ENOX1: variants seen among roughly 807,000 people sequenced by gnomAD.
ENOX1 encodes the protein candidate growth-related and time keeping constitutive hydroquinone (NADH) oxidase.
A neutral mutation model predicts 82.5 loss-of-function variants in ENOX1; 42 were observed. That is an observed-to-expected ratio of 0.51 (90% CI 0.40 to 0.66). The LOEUF (loss-of-function observed/expected upper bound fraction) is 0.66. Ranked by LOEUF, ENOX1 falls within the 30% of genes least tolerant of loss-of-function variation. The probability of loss-of-function intolerance (pLI) is 0.00; values close to 1 mark genes in which losing one functional copy is unlikely to be tolerated. For missense variants in ENOX1, 608 were observed against 811.6 expected (o/e 0.75, Z 3.05); for synonymous variants, 271 against 282.2 (o/e 0.96, Z 0.40).
At chr13:43,604,479 G>T (rs555053664) in intron 2 of ENOX1, among the ~76,000 whole-genome samples, 1 of 152,146 alleles carries the variant, frequency 6.6e-6, no homozygotes, top group African/African-American at 2.4e-5. Context: ...GACTTTTATT[G>T]TATTGAGGTA....
chr13:43,706,942 A>G (rs2087335046), intron 1 of ENOX1, among the ~76,000 whole-genome samples: 1 of 152,118 alleles, frequency 6.6e-6, no homozygotes, highest in African/African-American at 2.4e-5. Flanking sequence ...AGAACAGAAG[A>G]AGTAAAACTG....
intron 2 of ENOX1, among the ~76,000 whole-genome samples, chr13:43,557,047 G>C (rs919164694): frequency 6.6e-6 from 1 of 152,254 alleles, no homozygotes; most frequent in African/African-American, 2.4e-5. Context: ...GTGCGAAGCA[G>C]GAGAGAGTTC....
At chr13:43,541,473 C>G (rs1204865070) in intron 2 of ENOX1, among the ~76,000 whole-genome samples, 1 of 152,024 alleles carries the variant, frequency 6.6e-6, no homozygotes. Flanking sequence ...TGTACTCCAG[C>G]CTGGGCAAAA....
chr13:43,433,066 C>T (rs888064602), intron 3 of ENOX1, among the ~76,000 whole-genome samples: 6 of 152,108 alleles, frequency 3.9e-5, no homozygotes, highest in African/African-American at 1.4e-4. Context: ...TTTAGGGTTG[C>T]TATAACAGAA....
intron 9 of ENOX1, among the ~76,000 whole-genome samples, chr13:43,331,576 A>T (rs2048410337): frequency 6.6e-6 from 1 of 152,196 alleles, no homozygotes; most frequent in Non-Finnish European, 1.5e-5. Context: ...GATATGACAC[A>T]AATGAAATAG....
rs1566329692 is a variant in ENOX1 at position 43,247,866 on chromosome 13, TATATA to T, written c.1612-11133_1612-11129del. 3.4e-3 allele frequency among the ~76,000 whole-genome samples: 8 copies of T among 2,342 alleles called. 1 individual carries two copies. Among genetic ancestry groups the T allele is most frequent in the Admixed American group, 6.9e-3 (1 of 144 alleles). The allele number at this position is 2,342 out of a possible 152,430, so 1.5% of individuals were successfully genotyped here. A position where few individuals can be genotyped will look rare whatever the true frequency, so the allele number is the denominator to read the frequency against. On this transcript the variant is annotated intron_variant, in intron 14 of 16. Coordinates refer to ENST00000690772, the MANE Select transcript of ENOX1 (RefSeq NM_001347969.2). ...ATATATATATATATATATATATATA[TATATA>T]TATATATATATATTTTTTTTTTTTT...
intron 1 of ENOX1, among the ~76,000 whole-genome samples, chr13:43,706,694 G>A (rs965631464): frequency 1.7e-5 from 2 of 114,972 alleles, no homozygotes; most frequent in African/African-American, 5.6e-5. Context: ...TTACAAAATT[G>A]AGCACATGAT....
chr13:43,590,775 CAA>C (rs35099290), intron 2 of ENOX1, among the ~76,000 whole-genome samples: 2 of 130,658 alleles, frequency 1.5e-5, no homozygotes, highest in Admixed American at 1.6e-4. Context: ...AACTTCATCT[CAA>C]AAAAAAAAAA....
intron 2 of ENOX1, among the ~76,000 whole-genome samples, chr13:43,521,336 A>G (rs2077759847): frequency 6.6e-6 from 1 of 152,140 alleles, no homozygotes; most frequent in Non-Finnish European, 1.5e-5. Context: ...ACCCGATGTG[A>G]TGACACATAT....
At chr13:43,387,394 G>C (rs1203898382) in intron 5 of ENOX1, among the ~76,000 whole-genome samples, 1 of 152,164 alleles carries the variant, frequency 6.6e-6, no homozygotes, top group African/African-American at 2.4e-5. Flanking sequence ...AGAGGGAAGA[G>C]AGGGAGCAAA....
At chr13:43,579,213 G>T (rs2080588743) in intron 2 of ENOX1, among the ~76,000 whole-genome samples, 1 of 152,178 alleles carries the variant, frequency 6.6e-6, no homozygotes, top group Non-Finnish European at 1.5e-5. Context: ...AAATGAGGAA[G>T]AATGGTGGCT....
chr13:43,424,275 CTT>C (rs1044405496), intron 3 of ENOX1, among the ~76,000 whole-genome samples: 12 of 152,186 alleles, frequency 7.9e-5, no homozygotes, highest in African/African-American at 2.9e-4. Flanking sequence ...TTGTGCTCAG[CTT>C]TTTCATTATG....
chr13:43,675,503 T>TAC (rs969738688), intron 1 of ENOX1, among the ~76,000 whole-genome samples: 18 of 152,316 alleles, frequency 1.2e-4, no homozygotes, highest in African/African-American at 3.8e-4. Flanking sequence ...TGTACACATA[T>TAC]ACACACACAT....
chr13:43,612,182 G>A (rs1327668063), intron 2 of ENOX1, among the ~76,000 whole-genome samples: 1 of 152,192 alleles, frequency 6.6e-6, no homozygotes, highest in East Asian at 1.9e-4. Flanking sequence ...AAAGCAGTCA[G>A]AGAGAACAGA....
At chr13:43,371,104 T>C (rs1160222759) in intron 5 of ENOX1, among the ~76,000 whole-genome samples, 1 of 152,186 alleles carries the variant, frequency 6.6e-6, no homozygotes, top group East Asian at 1.9e-4. Flanking sequence ...TGTACGATGT[T>C]ATGTGACTTT....
At chr13:43,664,309 A>C (rs1045351052) in intron 2 of ENOX1, among the ~76,000 whole-genome samples, 2 of 152,240 alleles carry the variant, frequency 1.3e-5, no homozygotes, top group Non-Finnish European at 2.9e-5. Context: ...AATGGAGTAA[A>C]GACAAAGCAA....
intron 1 of ENOX1, among the ~76,000 whole-genome samples, chr13:43,691,792 C>T (rs985708114): frequency 6.6e-6 from 1 of 151,860 alleles, no homozygotes; most frequent in South Asian, 2.1e-4. Flanking sequence ...TCTCCGCCTC[C>T]CAGGTTCAAG....
rs2041288863 is a variant in ENOX1, at chr13:43,213,532, C to CTTTTTTTTTTTT, written c.*457_*458insAAAAAAAAAAAA. ...AAAACTTTTTCTTTTTTCTTTTTTT[C>CTTTTTTTTTTTT]TTTTTCTTTTTCTTTTTTTTTTTTT... On this transcript the variant is annotated 3_prime_UTR_variant, in exon 17 of 17. Transcript: ENST00000690772. 8 of 61,754 alleles carry CTTTTTTTTTTTT rather than the reference C, an allele frequency of 1.3e-4. No homozygotes were observed. The highest frequency in any genetic ancestry group is 7.2e-4 in the South Asian group (1 of 1,396). 3.8% of individuals were successfully genotyped at this position (61,754 alleles called of 1,614,324 possible).
At chr13:43,611,099 C>T (rs1300068771) in intron 2 of ENOX1, among the ~76,000 whole-genome samples, 1 of 152,148 alleles carries the variant, frequency 6.6e-6, no homozygotes, top group Non-Finnish European at 1.5e-5. Context: ...CCTTGGGGGC[C>T]TTGTAATAAA....
Sources: gnomAD v4.1 joint callset for allele counts (sites outside exome capture counted in the v4.1 genomes callset) on GRCh38, gnomAD v4.1.1 for gene constraint, MANE v1.5 for transcripts, NCBI Gene and HGNC (gene_info 2026-07-23, HGNC 2026-07-21) for gene names.